COIL: variants seen among roughly 807,000 people sequenced by gnomAD.
COIL encodes coilin p80.
In COIL, 28 loss-of-function variants were observed where a neutral mutation model predicts 51.6. The ratio of observed to expected loss-of-function variants is 0.54; its 90% CI spans 0.40 to 0.74. COIL has a LOEUF of 0.74. Ranked by LOEUF, COIL falls within the 30% of genes least tolerant of loss-of-function variation. The pLI is 0.00. For synonymous variants in COIL, 233 were observed against 255.8 expected, an observed-to-expected ratio of 0.91 and a Z score of 0.85; for missense variants, 667 against 685.9, an observed-to-expected ratio of 0.97 and a Z score of 0.31.
chr17:56,954,918 G>C (rs568695251), intron 1 of COIL, among the ~76,000 whole-genome samples: 28 of 152,192 alleles, frequency 1.8e-4, no homozygotes, highest in African/African-American at 6.7e-4. Flanking sequence ...ACCTTCCCTG[G>C]CAATATTCTC....
chr17:56,948,586 A>G (rs966360494), intron 4 of COIL, among the ~76,000 whole-genome samples: 1 of 151,926 alleles, frequency 6.6e-6, no homozygotes, highest in Non-Finnish European at 1.5e-5. Flanking sequence ...TAGTACATCA[A>G]AAAAAAGAAA....
Position 56,949,749 on chromosome 17 carries a change from T to G in COIL, c.1372A>C (p.Lys458Gln), listed in dbSNP as rs1327266212. ...AGTGGTAACAGACTATAGTCCTTCTTGGGTGTCTCTACTGGATTCTGAAAA... is the reference window on the plus strand; with the variant it reads ...AGTGGTAACAGACTATAGTCCTTCTGGGGTGTCTCTACTGGATTCTGAAAA... ...TIIQNPVETPKKDYSLLPLLA... is the reference protein window; with the variant it reads ...TIIQNPVETPQKDYSLLPLLA... The change falls in exon 3 of 7, where the codon AAG becomes CAG. Residue 458 changes from lysine (K) to glutamine (Q), a missense_variant. Lys to Gln is a moderately conservative substitution (Grantham distance 53). Coordinates refer to ENST00000240316, the MANE Select transcript of COIL (RefSeq NM_004645.3). The G allele has an allele frequency of 7.4e-6, 12 of 1,614,054 alleles. No homozygotes were observed. The highest frequency in any genetic ancestry group is 1.0e-5 in the Non-Finnish European group (12 of 1,179,992).
At chr17:56,941,409 A>G (rs1304368219) in intron 6 of COIL, 1 of 152,310 alleles carries the variant, frequency 6.6e-6, no homozygotes, top group Non-Finnish European at 1.5e-5. Flanking sequence ...GTCTCTACCA[A>G]AAATATAAAA....
At position 56,950,085 on chromosome 17, in the gene COIL, G is replaced by A; in HGVS notation, c.1157C>T (p.Ser386Phe). The A allele has an allele frequency of 6.2e-7, 1 of 1,614,030 alleles. No individual in the cohort carries two copies. The highest frequency in any genetic ancestry group is 8.5e-7 in the Non-Finnish European group (1 of 1,179,988). Residue 386 changes from serine (S) to phenylalanine (F), a missense_variant, in exon 2 of 7, where the codon TCT becomes TTT. By Grantham distance (155) the Ser-to-Phe change is radical. Transcript: ENST00000240316. ...TCCTCTTCCTAAACTAGCAGGGAGAGACACACTGGGAGAAGCACCAGGAGC... is the reference window on the plus strand; with the variant it reads ...TCCTCTTCCTAAACTAGCAGGGAGAAACACACTGGGAGAAGCACCAGGAGC... ...GQAPGASPSV[S>F]LPASLGRGWG...
chr17:56,951,803 CT>C (rs199745990), intron 1 of COIL: 12,409 of 143,652 alleles, frequency 0.086, 509 homozygotes, highest in East Asian at 0.2. Flanking sequence ...TTTTTCTTTT[CT>C]TTTTTTTTTT....
intron 5 of COIL, among the ~76,000 whole-genome samples, chr17:56,946,093 A>G (rs1910244016): frequency 6.6e-6 from 1 of 152,200 alleles, no homozygotes. Context: ...AGTTTTTACA[A>G]AATTCCTCCC....
intron 1 of COIL, among the ~76,000 whole-genome samples, chr17:56,952,661 G>A (rs375368516): frequency 6.6e-6 from 1 of 152,084 alleles, no homozygotes; most frequent in Non-Finnish European, 1.5e-5. Context: ...CTTCAAACTC[G>A]AACTTGAACT....
At chr17:56,944,814 G>A (rs952199401) in intron 5 of COIL, among the ~76,000 whole-genome samples, 1 of 150,092 alleles carries the variant, frequency 6.7e-6, no homozygotes, top group African/African-American at 2.5e-5. Context: ...TCAGGAGATC[G>A]AGACCATCCT....
In COIL at chr17:56,938,759, G is replaced by A. The variant is rs530834293; in HGVS notation, c.*312C>T. 1.6e-5 allele frequency: 3 copies of A among 192,906 alleles called. No individual in the cohort carries two copies. Among genetic ancestry groups the A allele is most frequent in the South Asian group, 1.6e-4 (1 of 6,220 alleles). The allele number at this position is 192,906 out of a possible 1,614,324, so 11.9% of individuals were successfully genotyped here. A position where few individuals can be genotyped will look rare whatever the true frequency, so the allele number is the denominator to read the frequency against. ...CTTGGTATTATAAACTCCTACTGAC[G>A]ACTGCTACTTGATGGCCAAAAACAT... On this transcript the variant is annotated 3_prime_UTR_variant, in exon 7 of 7. Coordinates refer to ENST00000240316, the MANE Select transcript of COIL (RefSeq NM_004645.3).
chr17:56,952,920 T>C (rs1910400680), intron 1 of COIL, among the ~76,000 whole-genome samples: 2 of 152,178 alleles, frequency 1.3e-5, no homozygotes, highest in South Asian at 4.1e-4. Flanking sequence ...TCCTAGTATG[T>C]GCAGTCTGAT....
intron 6 of COIL, 42 bp from the exon 7 acceptor site, chr17:56,939,196 T>G: frequency 9.4e-7 from 1 of 1,059,560 alleles, no homozygotes; most frequent in Non-Finnish European, 1.5e-6. Context: ...CACTTCATTT[T>G]GAGGTCATAC....
At chr17:56,955,900 C>CA (rs1213038097) in intron 1 of COIL, among the ~76,000 whole-genome samples, 4 of 151,336 alleles carry the variant, frequency 2.6e-5, no homozygotes, top group Non-Finnish European at 4.4e-5. Flanking sequence ...TTTCCAAGTA[C>CA]AAAAAAAATA....
At chr17:56,959,264 T>G (rs1910538281) in intron 1 of COIL, among the ~76,000 whole-genome samples, 1 of 151,882 alleles carries the variant, frequency 6.6e-6, no homozygotes, top group African/African-American at 2.4e-5. Flanking sequence ...GGATTGCCTG[T>G]GCCCAGGAAG....
intron 1 of COIL, among the ~76,000 whole-genome samples, chr17:56,956,401 G>A (rs969347697): frequency 6.6e-6 from 1 of 151,422 alleles, no homozygotes; most frequent in African/African-American, 2.4e-5. Context: ...ACTGAGCCTA[G>A]CTAATTTTTT....
At chr17:56,945,656 C>T (rs1301996239) in intron 5 of COIL, among the ~76,000 whole-genome samples, 1 of 152,112 alleles carries the variant, frequency 6.6e-6, no homozygotes, top group Non-Finnish European at 1.5e-5. Flanking sequence ...GAATAGAGCT[C>T]TTTTTTTAAT....
At chr17:56,945,954 G>A (rs969107001) in intron 5 of COIL, among the ~76,000 whole-genome samples, 1 of 152,202 alleles carries the variant, frequency 6.6e-6, no homozygotes, top group Non-Finnish European at 1.5e-5. Flanking sequence ...GACCTCAAGT[G>A]ATCCACCAAC....
chr17:56,939,273 T>G, intron 6 of COIL, 119 bp from the exon 7 acceptor site: 1 of 652,016 alleles, frequency 1.5e-6, no homozygotes, highest in Non-Finnish European at 2.8e-6. Context: ...TAATTTGGGT[T>G]CCAATAAACT....
chr17:56,952,348 C>A, intron 1 of COIL: 1 of 443,064 alleles, frequency 2.3e-6, no homozygotes. Flanking sequence ...CATCATAGAC[C>A]ACGAAGAAGC....
Position 56,949,402 on chromosome 17 carries a change from A to C in COIL, c.1473T>G (p.Asp491Glu). 1 of 1,597,364 alleles carries C rather than the reference A, an allele frequency of 6.3e-7. No individual in the cohort carries two copies. Among genetic ancestry groups the C allele is most frequent in the Non-Finnish European group, 8.5e-7 (1 of 1,176,466 alleles). ...LLELTSSYSP[D>E]VSDYKEGRIL... Reference sequence around the variant, plus strand: ...ACATCCTTACCTTGTAGTCAGAGACATCAGGAGAGTAACTGGATGTTAGCT... The same window carrying C: ...ACATCCTTACCTTGTAGTCAGAGACCTCAGGAGAGTAACTGGATGTTAGCT... Residue 491 changes from aspartate (D) to glutamate (E), a missense_variant, in exon 4 of 7, where the codon GAT (aspartate) becomes GAG (glutamate). By Grantham distance (45) the Asp-to-Glu change is conservative. Coordinates refer to ENST00000240316, the MANE Select transcript of COIL (RefSeq NM_004645.3).
Sources: gnomAD v4.1 joint callset for allele counts (sites outside exome capture counted in the v4.1 genomes callset) on GRCh38, gnomAD v4.1.1 for gene constraint, MANE v1.5 for transcripts, NCBI Gene and HGNC (gene_info 2026-07-23, HGNC 2026-07-21) for gene names.